The following DCC variants were observed in gnomAD, a reference collection of about 807,000 sequenced individuals.
The protein encoded by DCC is DCC netrin 1 receptor, also known as netrin receptor DCC.
Under a neutral mutation model 172.5 loss-of-function variants are expected in DCC, and 58 were observed. The observed-to-expected ratio is 0.34, with a 90% CI of 0.27 to 0.42. The LOEUF (loss-of-function observed/expected upper bound fraction) is 0.42, where lower values mean the gene tolerates loss of function less well. Ranked by LOEUF, DCC falls within the 10% of genes least tolerant of loss-of-function variation. The pLI, the probability that DCC is intolerant of heterozygous loss-of-function variation, is 1.00. For synonymous variants in DCC, 709 were observed against 644.5 expected, an observed-to-expected ratio of 1.10 and a Z score of -1.52; for missense variants, 1,740 against 1,791.0, an observed-to-expected ratio of 0.97 and a Z score of 0.51.
At chr18:52,701,179 C>G (rs916993939) in intron 1 of DCC, among the ~76,000 whole-genome samples, 1 of 152,124 alleles carries the variant, frequency 6.6e-6, no homozygotes, top group African/African-American at 2.4e-5. Context: ...AAAAATCTTT[C>G]CAAGTGTTTT....
At chr18:52,804,756 G>A (rs1465079908) in intron 2 of DCC, among the ~76,000 whole-genome samples, 2 of 152,056 alleles carry the variant, frequency 1.3e-5, no homozygotes, top group African/African-American at 4.8e-5. Context: ...GCTAATTTTT[G>A]TATTTTTAGT....
rs150175724 is a variant in DCC at position 52,634,243 on chromosome 18, C to T, written c.92-117811C>T. Among the ~76,000 whole-genome samples, 666 of 152,288 alleles carry T rather than the reference C, an allele frequency of 4.4e-3. 7 individuals are homozygous for T. The highest frequency in any genetic ancestry group is 0.015 in the African/African-American group (626 of 41,556). On this transcript the variant is annotated intron_variant, in intron 1 of 28. Transcript: ENST00000442544. ...TCTATCAGCAGTAATAAATTTTAAT[C>T]GGTTAGGCACTTTTTAAGCATGCTA...
intron 1 of DCC, among the ~76,000 whole-genome samples, chr18:52,637,299 A>G (rs1203211072): frequency 1.3e-5 from 2 of 152,300 alleles, no homozygotes; most frequent in South Asian, 2.1e-4. Context: ...TTCACCAGCA[A>G]TGGATCCAAA....
Position 53,157,361 on chromosome 18 carries a change from C to T in DCC, c.1267C>T (p.Pro423Ser), listed in dbSNP as rs1250834737. 6.2e-7 allele frequency: 1 copy of T among 1,613,862 alleles called. No homozygotes were observed. The highest frequency in any genetic ancestry group is 1.3e-5 in the African/African-American group (1 of 74,862). Residue 423 changes from proline (P) to serine (S), a missense_variant, in exon 8 of 29, where the codon CCA becomes TCA. Coordinates refer to ENST00000442544, the MANE Select transcript of DCC (RefSeq NM_005215.4). The part of the protein sequence containing the change: ...AQLIVPKPAI[P>S]SSSVLPSAPR... The stretch of plus-strand genomic sequence containing the variant: ...CTCCTCTTCTTTCTCCTTAGCTATC[C>T]CAAGCTCCAGTGTCCTCCCTTCGGC...
chr18:53,169,127 G>A (rs937790864), intron 8 of DCC, among the ~76,000 whole-genome samples: 2 of 152,186 alleles, frequency 1.3e-5, no homozygotes, highest in African/African-American at 2.4e-5. Flanking sequence ...ATGGTGCATC[G>A]CATGTTGCCA....
intron 15 of DCC, among the ~76,000 whole-genome samples, chr18:53,355,715 A>G (rs1463922884): frequency 6.6e-6 from 1 of 152,134 alleles, no homozygotes; most frequent in Admixed American, 6.6e-5. Context: ...GTCATCTGTG[A>G]ACAGGGACAG....
At chr18:53,112,332 G>T (rs1376318995) in intron 7 of DCC, among the ~76,000 whole-genome samples, 1 of 151,410 alleles carries the variant, frequency 6.6e-6, no homozygotes, top group Non-Finnish European at 1.5e-5. Flanking sequence ...ACTCTGCTAA[G>T]TACTTTTTAT....
chr18:53,454,576 C>A lies in DCC; in HGVS notation c.3392+3914C>A, dbSNP rs563470354. Among the ~76,000 whole-genome samples the A allele has an allele frequency of 1.4e-4, 22 of 152,246 alleles. No individual in the cohort carries two copies. The East Asian group carries it at 2.9e-3, about 20-fold the overall frequency. On this transcript the variant is annotated intron_variant, in intron 23 of 28. Coordinates refer to ENST00000442544, the MANE Select transcript of DCC (RefSeq NM_005215.4). ...CTGGGTAGGTGATCTACAGTCTTGTCTGAATGCTTTAAATTTAAACATGTA... is the reference window on the plus strand; with the variant it reads ...CTGGGTAGGTGATCTACAGTCTTGTATGAATGCTTTAAATTTAAACATGTA...
chr18:52,896,070 C>T (rs1022650358), intron 2 of DCC, among the ~76,000 whole-genome samples: 13 of 152,258 alleles, frequency 8.5e-5, no homozygotes, highest in Admixed American at 4.6e-4. Context: ...CAGGTGTGAG[C>T]CACTGCACCC....
At chr18:53,089,144 G>T (rs1194353555) in intron 7 of DCC, among the ~76,000 whole-genome samples, 1 of 152,052 alleles carries the variant, frequency 6.6e-6, no homozygotes, top group African/African-American at 2.4e-5. Context: ...GGAGTGCAGT[G>T]GTGTGATCTC....
intron 2 of DCC, among the ~76,000 whole-genome samples, chr18:52,864,237 C>A (rs1004379879): frequency 6.6e-6 from 1 of 152,094 alleles, no homozygotes; most frequent in Non-Finnish European, 1.5e-5. Flanking sequence ...TACTAAATTT[C>A]AGAGAAAACA....
chr18:52,923,679 CATATG>C (rs1393276269), intron 3 of DCC, 23 bp from the exon 4 acceptor site: 2 of 1,535,404 alleles, frequency 1.3e-6, no homozygotes, highest in African/African-American at 1.4e-5. Context: ...TTTCATATAT[CATATG>C]ATACTGTGTT....
At chr18:53,092,264 T>C (rs1188327416) in intron 7 of DCC, among the ~76,000 whole-genome samples, 2 of 152,142 alleles carry the variant, frequency 1.3e-5, no homozygotes, top group African/African-American at 4.8e-5. Flanking sequence ...ATCTGTATTT[T>C]TAACAAGCAA....
chr18:52,467,862 G>T (rs1039816757), intron 1 of DCC, among the ~76,000 whole-genome samples: 1 of 152,106 alleles, frequency 6.6e-6, no homozygotes, highest in African/African-American at 2.4e-5. Flanking sequence ...AGAAGTGTCT[G>T]TTCAGACCCT....
chr18:53,407,463 T>A (rs945424621), intron 19 of DCC, among the ~76,000 whole-genome samples: 3 of 147,264 alleles, frequency 2.0e-5, no homozygotes, highest in South Asian at 4.3e-4. Flanking sequence ...CATATATATA[T>A]ACAAATTTTA....
At chr18:52,481,884 C>A (rs1180704158) in intron 1 of DCC, among the ~76,000 whole-genome samples, 1 of 151,922 alleles carries the variant, frequency 6.6e-6, no homozygotes, top group Non-Finnish European at 1.5e-5. Context: ...AATTATTTAG[C>A]TTTAAAATTA....
intron 1 of DCC, among the ~76,000 whole-genome samples, chr18:52,447,228 T>C (rs1285406656): frequency 6.6e-6 from 1 of 152,234 alleles, no homozygotes; most frequent in African/African-American, 2.4e-5. Context: ...ACTCTCACTC[T>C]GCTAACCATT....
chr18:53,074,309 T>A (rs572290597), intron 7 of DCC, among the ~76,000 whole-genome samples: 49 of 152,306 alleles, frequency 3.2e-4, no homozygotes, highest in African/African-American at 1.1e-3. Context: ...CCTTATAGTT[T>A]CCTCACACAA....
chr18:53,460,285 T>TG (rs2045538297), intron 24 of DCC, among the ~76,000 whole-genome samples: 1 of 118,468 alleles, frequency 8.4e-6, no homozygotes, highest in African/African-American at 2.9e-5. Flanking sequence ...TTTTTTTTTT[T>TG]TTTTTTTTTT....
Sources: allele counts gnomAD v4.1 joint callset (sites outside exome capture counted in the v4.1 genomes callset), GRCh38; gene constraint gnomAD v4.1.1; transcripts MANE v1.5; gene names NCBI Gene and HGNC (gene_info 2026-07-23, HGNC 2026-07-21).